SHANK2: variants seen among roughly 807,000 people sequenced by gnomAD.
The protein encoded by SHANK2 is SH3 and multiple ankyrin repeat domains protein 2.
In SHANK2, 43 loss-of-function variants were observed where a neutral mutation model predicts 133.7. That is an observed-to-expected ratio of 0.32 (90% CI 0.25 to 0.41). SHANK2 has a LOEUF of 0.41. Ranked by LOEUF, SHANK2 falls within the 10% of genes least tolerant of loss-of-function variation. The pLI is 1.00. For missense variants in SHANK2, 1,994 were observed against 2,235.8 expected (o/e 0.89, Z 2.18); for synonymous variants, 1,017 against 952.8 (o/e 1.07, Z -1.24).
At chr11:70,922,190 A>C (rs1950361692) in intron 10 of SHANK2, among the ~76,000 whole-genome samples, 1 of 152,222 alleles carries the variant, frequency 6.6e-6, no homozygotes, top group South Asian at 2.1e-4. Flanking sequence ...GAGATGGATA[A>C]GGAAATTGGA....
intron 14 of SHANK2, among the ~76,000 whole-genome samples, chr11:70,763,265 G>A (rs1437864174): frequency 2.6e-5 from 4 of 152,256 alleles, no homozygotes; most frequent in African/African-American, 4.8e-5. Context: ...CACCTGCCAC[G>A]TGCAGCAGCC....
intron 17 of SHANK2, among the ~76,000 whole-genome samples, chr11:70,599,905 G>GAAAAAGAA (rs1466206835): frequency 1.4e-5 from 1 of 73,778 alleles, no homozygotes; most frequent in Non-Finnish European, 2.5e-5. Context: ...AAGAAAGAAA[G>GAAAAAGAA]AGAAAGAAAG....
At chr11:70,872,161 A>T (rs1555070319) in intron 11 of SHANK2, 2 of 154,718 alleles carry the variant, frequency 1.3e-5, no homozygotes. Flanking sequence ...ATGAATAATC[A>T]TGCTAAGTAG....
chr11:70,874,339 T>TTATC (rs1297585148), intron 11 of SHANK2, among the ~76,000 whole-genome samples: 2 of 152,146 alleles, frequency 1.3e-5, no homozygotes, highest in Admixed American at 1.3e-4. Flanking sequence ...TATCCATGAT[T>TTATC]TATCTATCTA....
intron 14 of SHANK2, 129 bp from the exon 15 acceptor site, chr11:70,698,892 G>A (rs1206095053): frequency 1.1e-5 from 8 of 698,610 alleles, no homozygotes; most frequent in Non-Finnish European, 2.1e-5. Context: ...TCCTGGGGAA[G>A]AGTCTGGAGG....
intron 3 of SHANK2, among the ~76,000 whole-genome samples, chr11:71,143,556 GC>G (rs1356537464): frequency 6.6e-6 from 1 of 152,092 alleles, no homozygotes; most frequent in African/African-American, 2.4e-5. Context: ...CATTGCTTGT[GC>G]TTTTTGTTGG....
At chr11:70,838,149 C>A (rs1457564163) in intron 11 of SHANK2, among the ~76,000 whole-genome samples, 3 of 152,154 alleles carry the variant, frequency 2.0e-5, no homozygotes, top group Non-Finnish European at 4.4e-5. Flanking sequence ...CTCCCTACAA[C>A]TGGGGCCTTC....
chr11:71,204,081 T>C (rs1209512510), intron 2 of SHANK2, among the ~76,000 whole-genome samples: 3 of 152,258 alleles, frequency 2.0e-5, no homozygotes, highest in East Asian at 1.9e-4. Context: ...GTCCTTCTCA[T>C]GAATCAGTGA....
At chr11:70,601,282 C>T (rs1384920817) in intron 17 of SHANK2, among the ~76,000 whole-genome samples, 3 of 151,462 alleles carry the variant, frequency 2.0e-5, no homozygotes, top group Non-Finnish European at 2.9e-5. Context: ...TGTACTGGCA[C>T]GATCTCGGCT....
At chr11:71,214,724 C>A (rs2919738) in intron 2 of SHANK2, among the ~76,000 whole-genome samples, 1,656 of 152,274 alleles carry the variant, frequency 0.011, 34 homozygotes, top group African/African-American at 0.038. Context: ...CGTGCCACCC[C>A]GGGCTGCCCT....
chr11:70,591,146 G>A (rs2060315693), intron 17 of SHANK2, among the ~76,000 whole-genome samples: 1 of 152,298 alleles, frequency 6.6e-6, no homozygotes, highest in East Asian at 1.9e-4. Context: ...GAGGTCAGGA[G>A]TTCGAGACCA....
chr11:70,527,359 A>C (rs2059412635), intron 17 of SHANK2, among the ~76,000 whole-genome samples: 1 of 152,174 alleles, frequency 6.6e-6, no homozygotes, highest in Non-Finnish European at 1.5e-5. Context: ...CCTCTTGAGC[A>C]GAGCTTGCAG....
At position 70,659,782 on chromosome 11, in the gene SHANK2, T is replaced by C. The variant is rs1555012701; in HGVS notation, c.2061+46A>G. The C allele has an allele frequency of 1.9e-6, 3 of 1,610,502 alleles. No individual in the cohort carries two copies. The South Asian group carries it at 3.3e-5, about 18-fold the overall frequency. The stretch of plus-strand genomic sequence containing the variant: ...AGGACTACGACCCTCTCCCCGAGAG[T>C]CGGCGCTCTCCCCAAGCAGAAAGAT... On this transcript the variant is annotated intron_variant, in intron 17 of 25. Coordinates refer to ENST00000601538, the MANE Select transcript of SHANK2 (RefSeq NM_012309.5).
At chr11:70,929,278 G>A (rs530121731) in intron 10 of SHANK2, among the ~76,000 whole-genome samples, 5 of 152,302 alleles carry the variant, frequency 3.3e-5, no homozygotes, top group East Asian at 3.9e-4. Context: ...ACTCAACCTC[G>A]GTCTGGGCAA....
intron 3 of SHANK2, among the ~76,000 whole-genome samples, chr11:71,126,563 C>T (rs1250250854): frequency 6.6e-6 from 1 of 152,108 alleles, no homozygotes; most frequent in Non-Finnish European, 1.5e-5. Context: ...ACTATAGCTG[C>T]CACAGATTCC....
Position 70,539,991 on chromosome 11 carries a change from C to T in SHANK2, c.2062-37060G>A, listed in dbSNP as rs78559293. 1.8e-3 allele frequency among the ~76,000 whole-genome samples: 279 copies of T among 152,272 alleles called. 1 individual carries two copies. The highest frequency in any genetic ancestry group is 6.5e-3 in the African/African-American group (269 of 41,558). On this transcript the variant is annotated intron_variant, in intron 17 of 25. Coordinates refer to ENST00000601538, the MANE Select transcript of SHANK2 (RefSeq NM_012309.5). ...CATCACCCCCCTCTGCCTCCATCTT[C>T]GCCTGGCCTTCCCACTGTGTGCCTG...
chr11:70,864,498 G>A (rs1187367033), intron 11 of SHANK2: 2 of 152,484 alleles, frequency 1.3e-5, no homozygotes, highest in African/African-American at 4.8e-5. Context: ...GCTCGAAGAT[G>A]AGAAGTGCCC....
intron 9 of SHANK2, among the ~76,000 whole-genome samples, chr11:71,057,122 G>A (rs1950930686): frequency 6.6e-6 from 1 of 152,122 alleles, no homozygotes; most frequent in Non-Finnish European, 1.5e-5. Context: ...ATCACCTGAG[G>A]TCAGGAGCTT....
In SHANK2 at chr11:70,792,295, T is replaced by TCAACCAAC. The variant is rs34682780; in HGVS notation, c.1777+6140_1777+6147dup. On this transcript the variant is annotated intron_variant, in intron 14 of 25. Coordinates refer to ENST00000601538, the MANE Select transcript of SHANK2 (RefSeq NM_012309.5). The stretch of plus-strand genomic sequence containing the variant: ...GCCAGCCAGCCAGCCAAGCAATCAA[T>TCAACCAAC]CAACCAACCAACCAACCAACCAACC... 8.3e-3 allele frequency among the ~76,000 whole-genome samples: 1,146 copies of TCAACCAAC among 137,258 alleles called. 19 individuals are homozygous for TCAACCAAC. The highest frequency in any genetic ancestry group is 0.03 in the African/African-American group (1,084 of 36,254). The allele number at this position is 137,258 out of a possible 152,430, so 90.0% of individuals were successfully genotyped here. A position where few individuals can be genotyped will look rare whatever the true frequency, so the allele number is the denominator to read the frequency against.
Sources: gnomAD v4.1 joint callset for allele counts (sites outside exome capture counted in the v4.1 genomes callset) on GRCh38, gnomAD v4.1.1 for gene constraint, MANE v1.5 for transcripts, NCBI Gene and HGNC (gene_info 2026-07-23, HGNC 2026-07-21) for gene names.